DHX8: variants seen among roughly 807,000 people sequenced by gnomAD.
The protein encoded by DHX8 is DEAH-box helicase 8, also known as ATP-dependent RNA helicase DHX8.
A neutral mutation model predicts 140.7 loss-of-function variants in DHX8; 67 were observed. The ratio of observed to expected loss-of-function variants is 0.48; its 90% CI spans 0.39 to 0.58. The LOEUF is 0.58. DHX8 is among the 20% of genes least tolerant of loss of function. The pLI is 0.00. For synonymous variants in DHX8, 533 were observed against 553.2 expected, an observed-to-expected ratio of 0.96 and a Z score of 0.51; for missense variants, 887 against 1,550.7, an observed-to-expected ratio of 0.57 and a Z score of 7.19.
chr17:43,528,566 C>T (rs1434993315), downstream of DHX8: 6 of 1,613,584 alleles, frequency 3.7e-6, no homozygotes, highest in Non-Finnish European at 5.1e-6. Flanking sequence ...GCGGGGCCAG[C>T]CAGCTCTGGG....
At chr17:43,527,108 TCA>T (rs984016306), downstream of DHX8, among the ~76,000 whole-genome samples, 27 of 152,280 alleles carry the variant, frequency 1.8e-4, no homozygotes, top group African/African-American at 6.5e-4. Flanking sequence ...TTGTCACATC[TCA>T]GTCATACGTC....
intron 9 of DHX8, 134 bp downstream of exon 9, chr17:43,496,402 A>G: frequency 3.2e-6 from 2 of 616,900 alleles, no homozygotes; most frequent in Non-Finnish European, 5.7e-6. Context: ...CAAAAAAAAA[A>G]GGATCTCACC....
chr17:43,493,028 T>G lies in DHX8; in HGVS notation c.851T>G (p.Leu284Arg), dbSNP rs765833011. 3 of 1,613,730 alleles carry G rather than the reference T, an allele frequency of 1.9e-6. No individual in the cohort carries two copies. Among genetic ancestry groups the G allele is most frequent in the Non-Finnish European group, 2.5e-6 (3 of 1,179,618 alleles). ...SIMQFGCFVQ[L>R]EGLRKRWEGL... ...ATGCAGTTTGGTTGCTTTGTGCAGC[T>G]GGAAGGACTAAGGTAATGACTGGTG... The change falls in exon 6 of 23, where the codon CTG becomes CGG. Residue 284 changes from leucine to arginine, a missense_variant. Physicochemically the swap from Leu to Arg is moderately radical, Grantham distance 102 (BLOSUM62 -2). This residue lies in a region of DHX8 where 98 missense variants were observed against 152.7 expected (regional missense o/e 0.64). Transcript: ENST00000262415.
At chr17:43,492,143 T>C (rs1300697262) in intron 4 of DHX8, 40 bp from the exon 5 acceptor site, 2 of 1,390,104 alleles carry the variant, frequency 1.4e-6, no homozygotes, top group Non-Finnish European at 2.0e-6. Flanking sequence ...GATTCTTGAG[T>C]AGTTTTTTTT....
At chr17:43,529,433 A>G (rs751579311), downstream of DHX8, 17 of 1,542,266 alleles carry the variant, frequency 1.1e-5, no homozygotes, top group Non-Finnish European at 1.4e-5. Flanking sequence ...ACGTGCCACC[A>G]TTTCCCAGGT....
intron 3 of DHX8, chr17:43,543,900 TAGTC>T (rs1971657769): frequency 6.6e-6 from 1 of 152,170 alleles, no homozygotes; most frequent in Admixed American, 6.5e-5. Context: ...TCCAAGGATC[TAGTC>T]AGGGGTCATT....
At chr17:43,528,867 C>T, downstream of DHX8, 1 of 769,246 alleles carries the variant, frequency 1.3e-6, no homozygotes, top group Non-Finnish European at 2.1e-6. Flanking sequence ...CATTTCTCTC[C>T]CATGCTGGTT....
chr17:43,506,740 T>C (rs1207133582), intron 12 of DHX8, among the ~76,000 whole-genome samples: 1 of 152,138 alleles, frequency 6.6e-6, no homozygotes, highest in East Asian at 1.9e-4. Context: ...ACAAACAACG[T>C]AGAAATAAGA....
chr17:43,503,744 G>GT (rs912288500), intron 11 of DHX8, among the ~76,000 whole-genome samples: 2 of 152,204 alleles, frequency 1.3e-5, no homozygotes, highest in African/African-American at 4.8e-5. Context: ...AATAGAACCC[G>GT]TAGACATAGA....
chr17:43,532,201 T>C (rs1361296723), intron 2 of DHX8, among the ~76,000 whole-genome samples: 1 of 152,178 alleles, frequency 6.6e-6, no homozygotes, highest in Non-Finnish European at 1.5e-5. Context: ...GGTTTGCTCA[T>C]TGAAAAGTAA....
chr17:43,534,550 T>G (rs1342861840), intron 2 of DHX8, among the ~76,000 whole-genome samples: 1 of 152,118 alleles, frequency 6.6e-6, no homozygotes, highest in Non-Finnish European at 1.5e-5. Flanking sequence ...GAAAACACTT[T>G]CAAGGAGTGA....
chr17:43,534,678 G>A (rs995628137), intron 2 of DHX8, among the ~76,000 whole-genome samples: 1 of 151,532 alleles, frequency 6.6e-6, no homozygotes, highest in Non-Finnish European at 1.5e-5. Flanking sequence ...GGTGGCTCAC[G>A]CCTGTAATCC....
chr17:43,533,292 C>G (rs1279328634), intron 2 of DHX8: 2 of 1,613,872 alleles, frequency 1.2e-6, no homozygotes, highest in Admixed American at 3.3e-5. Context: ...GGGCGACTGT[C>G]CAAGGGCACC....
In DHX8 at chr17:43,524,421, A is replaced by AGAATCCCCT. The variant is rs1970530183; in HGVS notation, c.*587_*595dup. ...TATCTGTGCTCTGGCACACATGATG[A>AGAATCCCCT]GAATCCCCTGAATCCCCTGAAACCA... On this transcript the variant is annotated 3_prime_UTR_variant, in exon 23 of 23. Transcript: ENST00000262415. 1.0e-6 allele frequency: 1 copy of AGAATCCCCT among 988,762 alleles called. No individual in the cohort carries two copies. The allele number at this position is 988,762 out of a possible 1,614,324, so 61.2% of individuals were successfully genotyped here. A position where few individuals can be genotyped will look rare whatever the true frequency, so the allele number is the denominator to read the frequency against.
chr17:43,506,769 A>T (rs747756633), intron 12 of DHX8, among the ~76,000 whole-genome samples: 1 of 152,184 alleles, frequency 6.6e-6, no homozygotes, highest in African/African-American at 2.4e-5. Context: ...TTGGGGAAAG[A>T]TATAGAAATT....
chr17:43,539,151 AT>A (rs1971396589), intron 3 of DHX8, among the ~76,000 whole-genome samples: 1 of 152,132 alleles, frequency 6.6e-6, no homozygotes, highest in South Asian at 2.1e-4. Context: ...AAAGCATGAA[AT>A]CCAAACGCTT....
chr17:43,512,373 T>G (rs141467190), intron 16 of DHX8, among the ~76,000 whole-genome samples: 6,001 of 137,292 alleles, frequency 0.044, 378 homozygotes, highest in African/African-American at 0.15. Flanking sequence ...GGCAACAGAG[T>G]GAGACTCTAT....
At chr17:43,539,610 T>G (rs1971417315) in intron 3 of DHX8, among the ~76,000 whole-genome samples, 1 of 152,240 alleles carries the variant, frequency 6.6e-6, no homozygotes, top group African/African-American at 2.4e-5. Flanking sequence ...CTGTTATTTC[T>G]TGACTACATG....
At chr17:43,497,942 A>C (rs1404389151) in intron 9 of DHX8, among the ~76,000 whole-genome samples, 1 of 152,190 alleles carries the variant, frequency 6.6e-6, no homozygotes, top group South Asian at 2.1e-4. Flanking sequence ...ATTATTCCAC[A>C]ATGAAGTTGG....
Sources: gnomAD v4.1 joint callset for allele counts (sites outside exome capture counted in the v4.1 genomes callset) on GRCh38, gnomAD v4.1.1 for gene constraint, gnomAD v4.1.1 regional missense constraint, MANE v1.5 for transcripts, NCBI Gene and HGNC (gene_info 2026-07-23, HGNC 2026-07-21) for gene names.